Variants in ESRRA observed in about 807,000 individuals in gnomAD.
ESRRA encodes estrogen related receptor alpha, also known as steroid hormone receptor ERR1.
Under a neutral mutation model 35.6 loss-of-function variants are expected in ESRRA, and 7 were observed. The observed-to-expected ratio is 0.20, with a 90% CI of 0.11 to 0.37. ESRRA has a LOEUF of 0.37. Among genes scored for constraint, ESRRA ranks in the 10% least tolerant of loss-of-function variants. The pLI, the probability that ESRRA is intolerant of heterozygous loss-of-function variation, is 1.00. For missense variants in ESRRA, 378 were observed against 561.7 expected, an observed-to-expected ratio of 0.67 and a Z score of 3.31; for synonymous variants, 223 against 246.9, an observed-to-expected ratio of 0.90 and a Z score of 0.91.
intron 2 of ESRRA, among the ~76,000 whole-genome samples, chr11:64,309,632 A>AT (rs2035101737): frequency 6.7e-6 from 1 of 149,070 alleles, no homozygotes; most frequent in South Asian, 2.2e-4. Context: ...AACACGTATA[A>AT]TTAAAAAAAA....
chr11:64,310,811 G>A (rs1475867300), intron 2 of ESRRA, among the ~76,000 whole-genome samples: 1 of 152,120 alleles, frequency 6.6e-6, no homozygotes, highest in Non-Finnish European at 1.5e-5. Flanking sequence ...GGCTTCCAAA[G>A]TGCTGGGATT....
chr11:64,314,276 G>A lies in ESRRA; in HGVS notation c.480G>A (p.Lys160=), dbSNP rs1397271056. Residue 160 remains lysine, a synonymous_variant, in exon 4 of 7, where the codon AAG becomes AAA. Coordinates refer to ENST00000000442, the MANE Select transcript of ESRRA (RefSeq NM_004451.5). ...RLDRVRGGRQ[K]YKRRPEVDPL... ...ACCGCGTCCGGGGTGGGCGGCAGAAGTACAAGCGGCGGCCGGAGGTGGACC... is the reference window on the plus strand; with the variant it reads ...ACCGCGTCCGGGGTGGGCGGCAGAAATACAAGCGGCGGCCGGAGGTGGACC... 6.2e-7 allele frequency: 1 copy of A among 1,612,416 alleles called. No individual in the cohort carries two copies. The highest frequency in any genetic ancestry group is 8.5e-7 in the Non-Finnish European group (1 of 1,179,748).
Position 64,315,228 on chromosome 11 carries a change from G to C in ESRRA, c.970G>C (p.Glu324Gln). Residue 324 changes from glutamate to glutamine, a missense_variant, in exon 6 of 7, where the codon GAG becomes CAG. By Grantham distance (29) the Glu-to-Gln change is conservative. Coordinates refer to ENST00000000442, the MANE Select transcript of ESRRA (RefSeq NM_004451.5). Reference sequence around the variant, plus strand: ...GCTGCAGGCCCTGCGGCTGGAGCGAGAGGAGTATGTTCTACTAAAGGCCTT... The same window carrying C: ...GCTGCAGGCCCTGCGGCTGGAGCGACAGGAGTATGTTCTACTAAAGGCCTT... Reference protein sequence around the residue: ...RRLQALRLEREEYVLLKALAL... With the variant: ...RRLQALRLERQEYVLLKALAL... The C allele has an allele frequency of 6.2e-7, 1 of 1,603,310 alleles. No homozygotes were observed. Among genetic ancestry groups the C allele is most frequent in the East Asian group, 2.2e-5 (1 of 44,774 alleles).
At position 64,307,350 on chromosome 11, in the gene ESRRA, G is replaced by C. The variant is rs756759935; in HGVS notation, c.171G>C (p.Glu57Asp). ...GCCACAAGGAAGAGGAGGATGGGGAGGGGGCTGGGCCTGGCGAGCAGGGCG... is the reference window on the plus strand; with the variant it reads ...GCCACAAGGAAGAGGAGGATGGGGACGGGGCTGGGCCTGGCGAGCAGGGCG... ...LPGHKEEEDG[E>D]GAGPGEQGGG... is the part of the protein sequence containing the mutation. Residue 57 changes from glutamate (E) to aspartate (D), a missense_variant, in exon 2 of 7, where the codon GAG (glutamate) becomes GAC (aspartate). Transcript: ENST00000000442. 5.0e-5 allele frequency: 81 copies of C among 1,611,796 alleles called. No individual in the cohort carries two copies. Among genetic ancestry groups the C allele is most frequent in the Middle Eastern group, 1.7e-4 (1 of 5,764 alleles).
At chr11:64,307,716 G>A (rs2035063201) in intron 2 of ESRRA, among the ~76,000 whole-genome samples, 1 of 152,170 alleles carries the variant, frequency 6.6e-6, no homozygotes, top group Admixed American at 6.5e-5. Context: ...TGAGTTCAGG[G>A]TACCACCTGG....
At chr11:64,308,429 A>G (rs1004312826) in intron 2 of ESRRA, among the ~76,000 whole-genome samples, 9 of 148,680 alleles carry the variant, frequency 6.1e-5, no homozygotes, top group Admixed American at 1.4e-4. Flanking sequence ...AGGCTGAGGC[A>G]GGAGAATTGC....
At chr11:64,314,590 C>A in intron 4 of ESRRA, 151 bp from the exon 5 acceptor site, 2 of 935,862 alleles carry the variant, frequency 2.1e-6, no homozygotes, top group Non-Finnish European at 1.6e-6. Flanking sequence ...CGGGCTTTCC[C>A]TGGGAGACAG....
chr11:64,315,354 TG>T, intron 6 of ESRRA, 84 bp downstream of exon 6: 1 of 1,435,078 alleles, frequency 7.0e-7, no homozygotes, highest in Admixed American at 2.7e-5. Flanking sequence ...AGCCCCATTT[TG>T]CAGATAACGA....
intron 2 of ESRRA, among the ~76,000 whole-genome samples, chr11:64,309,006 GA>G (rs2135250974): frequency 6.6e-6 from 1 of 151,924 alleles, no homozygotes; most frequent in East Asian, 1.9e-4. Context: ...TCCCACTCAA[GA>G]GGCTGAGACA....
chr11:64,309,528 T>G (rs2035099879), intron 2 of ESRRA, among the ~76,000 whole-genome samples: 1 of 150,944 alleles, frequency 6.6e-6, no homozygotes, highest in African/African-American at 2.4e-5. Flanking sequence ...TTTGGGGGAA[T>G]GAGCAAGATG....
chr11:64,310,124 G>A (rs1468109155), intron 2 of ESRRA, among the ~76,000 whole-genome samples: 3 of 152,016 alleles, frequency 2.0e-5, no homozygotes, highest in Non-Finnish European at 4.4e-5. Flanking sequence ...TTGAACTTGG[G>A]TCAGTATAGG....
At chr11:64,314,160 G>T in intron 3 of ESRRA, 79 bp from the exon 4 acceptor site, 1 of 1,560,006 alleles carries the variant, frequency 6.4e-7, no homozygotes, top group East Asian at 2.3e-5. Context: ...GAGTGGACTC[G>T]GGGAGGACAG....
Position 64,307,174 on chromosome 11 carries a change from A to G in ESRRA, c.-6A>G, listed in dbSNP as rs1391474294. On this transcript the variant is annotated 5_prime_UTR_variant, in exon 2 of 7. Coordinates refer to ENST00000000442, the MANE Select transcript of ESRRA (RefSeq NM_004451.5). ...TATGGGTCTCTCCGTGCAGGTGACC[A>G]GCGCCATGTCCAGCCAGGTGGTGGG... The G allele has an allele frequency of 6.4e-7, 1 of 1,570,664 alleles. No homozygotes were observed. The highest frequency in any genetic ancestry group is 2.3e-5 in the East Asian group (1 of 43,556).
chr11:64,314,205 C>G (rs1458845436), intron 3 of ESRRA, 34 bp from the exon 4 acceptor site: 1 of 1,589,458 alleles, frequency 6.3e-7, no homozygotes, highest in Non-Finnish European at 8.6e-7. Flanking sequence ...CCCACAGCAC[C>G]ACAGTCACAG....
At chr11:64,315,641 C>T in intron 6 of ESRRA, 66 bp from the exon 7 acceptor site, 2 of 1,585,460 alleles carry the variant, frequency 1.3e-6, no homozygotes, top group South Asian at 1.1e-5. Context: ...CAGCAGTGCT[C>T]AAGATACGGG....
At position 64,316,503 on chromosome 11, in the gene ESRRA, C is replaced by T. The variant is rs1166314308; in HGVS notation, c.*537C>T. 3 of 231,732 alleles carry T rather than the reference C, an allele frequency of 1.3e-5. No homozygotes were observed. The highest frequency in any genetic ancestry group is 2.6e-5 in the Non-Finnish European group (3 of 115,078). 14.4% of individuals were successfully genotyped at this position (231,732 alleles called of 1,614,324 possible). ...ACCCCTGGGGTGGCCAGGGCTTCCCCATCAGCTCCCAACGAGCCTCCTCAG... is the reference window on the plus strand; with the variant it reads ...ACCCCTGGGGTGGCCAGGGCTTCCCTATCAGCTCCCAACGAGCCTCCTCAG... On this transcript the variant is annotated 3_prime_UTR_variant, in exon 7 of 7. Coordinates refer to ENST00000000442, the MANE Select transcript of ESRRA (RefSeq NM_004451.5).
intron 6 of ESRRA, 59 bp from the exon 7 acceptor site, chr11:64,315,648 C>A: frequency 6.3e-7 from 1 of 1,593,356 alleles, no homozygotes. Flanking sequence ...GCTCAAGATA[C>A]GGGGAGTGCC....
At chr11:64,312,391 C>T (rs879700959) in intron 2 of ESRRA, among the ~76,000 whole-genome samples, 9 of 152,308 alleles carry the variant, frequency 5.9e-5, no homozygotes, top group Admixed American at 2.6e-4. Context: ...CCACCCACCT[C>T]GGTCTCCCAA....
intron 2 of ESRRA, among the ~76,000 whole-genome samples, chr11:64,307,981 C>T (rs1392177823): frequency 2.6e-5 from 4 of 152,048 alleles, no homozygotes; most frequent in African/African-American, 9.7e-5. Context: ...CAACCTTTGC[C>T]CCTGGGTTCA....
Sources: gnomAD v4.1 joint callset for allele counts (sites outside exome capture counted in the v4.1 genomes callset) on GRCh38, gnomAD v4.1.1 for gene constraint, MANE v1.5 for transcripts, NCBI Gene and HGNC (gene_info 2026-07-23, HGNC 2026-07-21) for gene names.